Variants in BBS9 observed in about 807,000 individuals in gnomAD.
BBS9 encodes the protein protein PTHB1.
BBS9 carries 89 observed loss-of-function variants against 117.7 expected under a neutral mutation model. The observed-to-expected ratio is 0.76, with a 90% CI of 0.64 to 0.90. The LOEUF (loss-of-function observed/expected upper bound fraction) is 0.90. Ranked by LOEUF, BBS9 falls within the 40% of genes least tolerant of loss-of-function variation. The probability of loss-of-function intolerance (pLI) is 0.00; values close to 1 mark genes in which losing one functional copy is unlikely to be tolerated. For missense variants in BBS9, 982 were observed against 1,042.2 expected (o/e 0.94, Z 0.80); for synonymous variants, 379 against 370.9 (o/e 1.02, Z -0.25).
intron 17 of BBS9, among the ~76,000 whole-genome samples, chr7:33,383,325 T>G (rs992044836): frequency 1.3e-5 from 2 of 152,210 alleles, no homozygotes; most frequent in Non-Finnish European, 2.9e-5. Context: ...ATTGTATTCT[T>G]GCAATGGCTC....
chr7:33,225,906 A>G (rs1372295194), intron 5 of BBS9, among the ~76,000 whole-genome samples: 2 of 152,094 alleles, frequency 1.3e-5, no homozygotes, highest in Non-Finnish European at 1.5e-5. Flanking sequence ...CATTTTACTT[A>G]TCCTCATTGA....
At chr7:33,221,892 A>G (rs1358230286) in intron 5 of BBS9, among the ~76,000 whole-genome samples, 1 of 149,482 alleles carries the variant, frequency 6.7e-6, no homozygotes. Flanking sequence ...AAATGCTTAA[A>G]AATCATATAT....
intron 5 of BBS9, among the ~76,000 whole-genome samples, chr7:33,183,909 A>G (rs1194660423): frequency 1.3e-5 from 2 of 152,180 alleles, no homozygotes; most frequent in East Asian, 1.9e-4. Flanking sequence ...TTCTAAGCCC[A>G]TGTGTCCTAA....
At chr7:33,300,844 G>A (rs547843968) in intron 9 of BBS9, among the ~76,000 whole-genome samples, 8 of 151,956 alleles carry the variant, frequency 5.3e-5, no homozygotes, top group African/African-American at 1.9e-4. Context: ...GTTTCTTTTT[G>A]TATGGGTCTA....
intron 21 of BBS9, among the ~76,000 whole-genome samples, chr7:33,584,409 C>T (rs1359321757): frequency 6.6e-6 from 1 of 151,966 alleles, no homozygotes; most frequent in African/African-American, 2.4e-5. Context: ...TAACCTAATG[C>T]TAACGTGAAT....
At chr7:33,527,396 C>T (rs1233976621) in intron 20 of BBS9, among the ~76,000 whole-genome samples, 4 of 152,048 alleles carry the variant, frequency 2.6e-5, no homozygotes, top group African/African-American at 7.2e-5. Flanking sequence ...TAGCAATCAG[C>T]GAGACTCCGT....
chr7:33,431,136 G>A (rs977744118), intron 19 of BBS9, among the ~76,000 whole-genome samples: 10 of 151,166 alleles, frequency 6.6e-5, no homozygotes, highest in South Asian at 2.1e-4. Context: ...CAGAGGTTGC[G>A]TTGAGCCAAG....
At chr7:33,472,196 A>G (rs542483418) in intron 19 of BBS9, among the ~76,000 whole-genome samples, 2 of 152,230 alleles carry the variant, frequency 1.3e-5, no homozygotes, top group Non-Finnish European at 2.9e-5. Flanking sequence ...TTATTTCTTC[A>G]GAGGCAATAG....
chr7:33,188,348 A>G (rs1226984881), intron 5 of BBS9, among the ~76,000 whole-genome samples: 1 of 152,166 alleles, frequency 6.6e-6, no homozygotes, highest in Non-Finnish European at 1.5e-5. Flanking sequence ...CAAGAAGATT[A>G]CTTTTCAGAC....
At chr7:33,524,269 G>C (rs1447810385) in intron 20 of BBS9, among the ~76,000 whole-genome samples, 2 of 151,938 alleles carry the variant, frequency 1.3e-5, no homozygotes. Context: ...CTCATAAAAT[G>C]AGTTAGGGAG....
chr7:33,390,247 G>A, intron 19 of BBS9: 3 of 985,252 alleles, frequency 3.0e-6, no homozygotes, highest in Non-Finnish European at 3.6e-6. Context: ...ACACAATGGT[G>A]GAAGGGCATT....
intron 9 of BBS9, among the ~76,000 whole-genome samples, chr7:33,328,148 A>G (rs900863177): frequency 1.7e-4 from 26 of 152,092 alleles, no homozygotes; most frequent in Non-Finnish European, 2.9e-5. Context: ...CTTTGCCTTT[A>G]TTTTGTCCAT....
At chr7:33,345,590 C>T (rs1817444899) in intron 12 of BBS9, among the ~76,000 whole-genome samples, 1 of 152,150 alleles carries the variant, frequency 6.6e-6, no homozygotes, top group African/African-American at 2.4e-5. Context: ...TTTTTGGATT[C>T]TTGCCACTGG....
At chr7:33,318,138 T>G (rs554245139) in intron 9 of BBS9, among the ~76,000 whole-genome samples, 1 of 152,292 alleles carries the variant, frequency 6.6e-6, no homozygotes, top group East Asian at 1.9e-4. Context: ...CTTGCATAAC[T>G]TCCCATTGCT....
At chr7:33,326,361 A>C (rs891802578) in intron 9 of BBS9, among the ~76,000 whole-genome samples, 15 of 151,678 alleles carry the variant, frequency 9.9e-5, no homozygotes, top group Admixed American at 4.6e-4. Context: ...GCTTGTGATG[A>C]ATGCTGCCAG....
chr7:33,574,742 C>G (rs1858488991), intron 21 of BBS9, among the ~76,000 whole-genome samples: 2 of 151,436 alleles, frequency 1.3e-5, no homozygotes, highest in Non-Finnish European at 3.0e-5. Context: ...CACACACACA[C>G]TTTCACTATT....
chr7:33,433,113 T>A (rs556588023), intron 19 of BBS9, among the ~76,000 whole-genome samples: 1 of 152,308 alleles, frequency 6.6e-6, no homozygotes, highest in East Asian at 1.9e-4. Flanking sequence ...ATATGGGTAA[T>A]GTGGGCTATA....
At chr7:33,444,844 T>C (rs1203479499) in intron 19 of BBS9, among the ~76,000 whole-genome samples, 1 of 152,206 alleles carries the variant, frequency 6.6e-6, no homozygotes, top group Non-Finnish European at 1.5e-5. Flanking sequence ...TGCTCACAAC[T>C]GAAGACAAAG....
chr7:33,206,574 T>C (rs1786969903), intron 5 of BBS9, among the ~76,000 whole-genome samples: 1 of 152,128 alleles, frequency 6.6e-6, no homozygotes, highest in African/African-American at 2.4e-5. Context: ...TGTCTCCTTC[T>C]CTCCCTCTCT....
Sources: gnomAD v4.1 joint callset for allele counts (sites outside exome capture counted in the v4.1 genomes callset) on GRCh38, gnomAD v4.1.1 for gene constraint, MANE v1.5 for transcripts, NCBI Gene and HGNC (gene_info 2026-07-23, HGNC 2026-07-21) for gene names.